The following DVL3 variants were observed in gnomAD, a reference collection of about 807,000 sequenced individuals.
DVL3 encodes segment polarity protein dishevelled homolog DVL-3.
A neutral mutation model predicts 67.4 loss-of-function variants in DVL3; 27 were observed. That is an observed-to-expected ratio of 0.40 (90% CI 0.30 to 0.55). The LOEUF (loss-of-function observed/expected upper bound fraction) is 0.55, where lower values mean the gene tolerates loss of function less well. DVL3 is among the 20% of genes least tolerant of loss of function. DVL3 has a pLI of 0.46. For missense variants in DVL3, 819 were observed against 1,021.5 expected, an observed-to-expected ratio of 0.80 and a Z score of 2.70; for synonymous variants, 369 against 396.8, an observed-to-expected ratio of 0.93 and a Z score of 0.83.
rs1400237457 is a variant in DVL3, at chr3:184,164,815, T to G, written c.483T>G (p.Thr161=). ...GPEHATRLNG[T]AKGERRREPG... is the part of the protein sequence containing the mutation. ...CTGCAGCAACCCGGCTAAATGGAACTGCGAAGGGGGAACGGCGGCGAGAAC... is the reference window on the plus strand; with the variant it reads ...CTGCAGCAACCCGGCTAAATGGAACGGCGAAGGGGGAACGGCGGCGAGAAC... Residue 161 remains threonine (T), a synonymous_variant, in exon 5 of 15, where the codon ACT becomes ACG. Transcript: ENST00000313143. This position sits in a 1 kb window ranked among gnomAD's most constrained non-coding sequence, Gnocchi z 5.3. The G allele has an allele frequency of 6.2e-7, 1 of 1,614,008 alleles. No individual in the cohort carries two copies. The highest frequency in any genetic ancestry group is 1.3e-5 in the African/African-American group (1 of 74,908).
chr3:184,164,925 C>A lies in DVL3; in HGVS notation c.593C>A (p.Thr198Asn). ...SFFDSDEDDS[T>N]SRFSSSTEQS... ...TTTGACTCAGATGAGGATGACTCCA[C>A]CAGCAGGTGGGGCTTGAGTTTCATG... Residue 198 changes from threonine to asparagine, a missense_variant, in exon 5 of 15, where the codon ACC becomes AAC. By Grantham distance (65) the Thr-to-Asn change is moderately conservative (BLOSUM62 0). This residue lies in a region of DVL3 where 385 missense variants were observed against 486.8 expected (regional missense o/e 0.79). Coordinates refer to ENST00000313143, the MANE Select transcript of DVL3 (RefSeq NM_004423.4). This position sits in a 1 kb window ranked among gnomAD's most constrained non-coding sequence, Gnocchi z 5.3. The A allele has an allele frequency of 6.2e-7, 1 of 1,614,184 alleles. No individual in the cohort carries two copies. The highest frequency in any genetic ancestry group is 8.5e-7 in the Non-Finnish European group (1 of 1,180,022).
At position 184,166,237 on chromosome 3, in the gene DVL3, G is replaced by A. The variant is rs747297916; in HGVS notation, c.875G>A (p.Arg292His). 5.6e-6 allele frequency: 9 copies of A among 1,612,804 alleles called. No homozygotes were observed. The highest frequency in any genetic ancestry group is 1.3e-5 in the African/African-American group (1 of 74,786). ...GGTGGGGCCGTGGCTGCTGATGGAC[G>A]CATCGAGCCAGGAGATATGTTGTTA... ...MKGGAVAADG[R>H]IEPGDMLLQV... The change falls in exon 8 of 15, where the codon CGC becomes CAC. Residue 292 changes from arginine (R) to histidine (H), a missense_variant. By Grantham distance (29) the Arg-to-His change is conservative. This residue lies in a region of DVL3 where 385 missense variants were observed against 486.8 expected (regional missense o/e 0.79). Transcript: ENST00000313143. The surrounding 1 kb of genome is among the most constrained non-coding windows in gnomAD (Gnocchi z 6.7).
At chr3:184,156,135 C>T (rs1714177120) in intron 1 of DVL3, among the ~76,000 whole-genome samples, 1 of 152,144 alleles carries the variant, frequency 6.6e-6, no homozygotes, top group Non-Finnish European at 1.5e-5. Flanking sequence ...CCGAGTCCCC[C>T]ATCCTCCTCC....
chr3:184,161,657 G>A (rs988449977), intron 1 of DVL3, among the ~76,000 whole-genome samples: 2 of 151,878 alleles, frequency 1.3e-5, no homozygotes, highest in African/African-American at 2.4e-5. Flanking sequence ...ACATTCCCCC[G>A]GCCAAACTAC....
chr3:184,171,031 C>T lies in DVL3; in HGVS notation c.*276C>T, dbSNP rs1183570915. ...GACCCCTTTTGTCTCTGGGACCAGA[C>T]TTGTTGGTGCTACCCCTTACTCCCC... On this transcript the variant is annotated 3_prime_UTR_variant, in exon 15 of 15. Coordinates refer to ENST00000313143, the MANE Select transcript of DVL3 (RefSeq NM_004423.4). The T allele has an allele frequency of 2.2e-6, 3 of 1,387,986 alleles. No homozygotes were observed. Among genetic ancestry groups the T allele is most frequent in the African/African-American group, 2.9e-5 (2 of 68,808 alleles). The allele number at this position is 1,387,986 out of a possible 1,614,324, so 86.0% of individuals were successfully genotyped here.
chr3:184,169,431 G>A (rs3792308), intron 13 of DVL3, among the ~76,000 whole-genome samples: 54,215 of 151,926 alleles, frequency 0.36, 11,251 homozygotes, highest in African/African-American at 0.57. Flanking sequence ...GCAGTGGCTC[G>A]CGCCTGTAAT....
Position 184,164,440 on chromosome 3 carries a change from G to C in DVL3, c.353+52G>C. 6.2e-7 allele frequency: 1 copy of C among 1,601,776 alleles called. No individual in the cohort carries two copies. The highest frequency in any genetic ancestry group is 8.5e-7 in the Non-Finnish European group (1 of 1,174,030). On this transcript the variant is annotated intron_variant, in intron 3 of 14. Transcript: ENST00000313143. This position sits in a 1 kb window ranked among gnomAD's most constrained non-coding sequence, Gnocchi z 5.3. ...GCCGCATCAGTTCAGCCCAGGGCTG[G>C]GGGAGGGAGCCCCCAGCCTGCCCCC...
rs1714450280 is a variant in DVL3 at position 184,163,354 on chromosome 3, G to GT, written c.162-302dup. 6.6e-6 allele frequency among the ~76,000 whole-genome samples: 1 copy of GT among 152,190 alleles called. No individual in the cohort carries two copies. The highest frequency in any genetic ancestry group is 1.5e-5 in the Non-Finnish European group (1 of 68,032). ...CCCAGGAGAGTCATGTTGGGGATGG[G>GT]TAGAGCACTTTAGAGATTTTAGGGA... is the stretch of plus-strand genomic sequence containing the variant. On this transcript the variant is annotated intron_variant, in intron 1 of 14. Transcript: ENST00000313143. The surrounding 1 kb of genome is among the most constrained non-coding windows in gnomAD (Gnocchi z 4.5).
At position 184,167,117 on chromosome 3, in the gene DVL3, A is replaced by G. The variant is rs1360748619; in HGVS notation, c.1198+142A>G. 3.8e-6 allele frequency: 4 copies of G among 1,052,992 alleles called. No homozygotes were observed. The highest frequency in any genetic ancestry group is 5.5e-6 in the Non-Finnish European group (4 of 724,028). The allele number at this position is 1,052,992 out of a possible 1,614,324, so 65.2% of individuals were successfully genotyped here. ...CTCATTCCAGCAACCCCACACTGCAACTCCCCCACAGCGGGCACTCCAACC... is the reference window on the plus strand; with the variant it reads ...CTCATTCCAGCAACCCCACACTGCAGCTCCCCCACAGCGGGCACTCCAACC... On this transcript the variant is annotated intron_variant, in intron 11 of 14. Coordinates refer to ENST00000313143, the MANE Select transcript of DVL3 (RefSeq NM_004423.4). The surrounding 1 kb of genome is among the most constrained non-coding windows in gnomAD (Gnocchi z 4.6).
Position 184,165,205 on chromosome 3 carries a change from G to C in DVL3, c.692G>C (p.Arg231Pro), listed in dbSNP as rs760208714. 1 of 1,587,734 alleles carries C rather than the reference G, an allele frequency of 6.3e-7. No individual in the cohort carries two copies. Among genetic ancestry groups the C allele is most frequent in the African/African-American group, 1.3e-5 (1 of 74,344 alleles). The change falls in exon 6 of 15, where the codon CGG (arginine) becomes CCG (proline). Residue 231 changes from arginine (R) to proline (P), a missense_variant and splice_region_variant. Physicochemically the swap from Arg to Pro is moderately radical, Grantham distance 103 (BLOSUM62 -2). Coordinates refer to ENST00000313143, the MANE Select transcript of DVL3 (RefSeq NM_004423.4). The surrounding 1 kb of genome is among the most constrained non-coding windows in gnomAD (Gnocchi z 4.1). ...RRKQKVSRIE[R>P]SSSFSSITDS... ...AAGCAGAAGGTTTCTCGGATTGAGC[G>C]GGTATGGGGTCTGGGAGGCTAGGGA... is the stretch of plus-strand genomic sequence containing the variant.
In DVL3 at chr3:184,166,412, A is replaced by C. The variant is rs372490782; in HGVS notation, c.904-34A>C. 5 of 1,613,654 alleles carry C rather than the reference A, an allele frequency of 3.1e-6. No individual in the cohort carries two copies. Among genetic ancestry groups the C allele is most frequent in the Middle Eastern group, 1.6e-4 (1 of 6,062 alleles). Reference sequence around the variant, plus strand: ...GAGTTCCCTTTTCATCCTCCCCAGCACAGCTGTTTATCCCACTCCTGGTCC... The same window carrying C: ...GAGTTCCCTTTTCATCCTCCCCAGCCCAGCTGTTTATCCCACTCCTGGTCC... On this transcript the variant is annotated intron_variant, in intron 8 of 14. Transcript: ENST00000313143. The surrounding 1 kb of genome is among the most constrained non-coding windows in gnomAD (Gnocchi z 6.7).
chr3:184,157,247 C>G (rs1374935145), intron 1 of DVL3, among the ~76,000 whole-genome samples: 1 of 152,058 alleles, frequency 6.6e-6, no homozygotes, highest in East Asian at 1.9e-4. Flanking sequence ...TAGAAGGGGT[C>G]TGGGTGAGGG....
intron 1 of DVL3, chr3:184,156,547 A>C: frequency 2.2e-6 from 1 of 447,148 alleles, no homozygotes; most frequent in South Asian, 1.6e-5. Context: ...AGCCAGGAAG[A>C]GTTTCTTGGT....
chr3:184,170,853 G>C lies in DVL3; in HGVS notation c.*98G>C. The stretch of plus-strand genomic sequence containing the variant: ...TTTTTACTTTGTCTGGTACCTGAAA[G>C]GGAAATAAAAGGAACTAAATCCAGG... On this transcript the variant is annotated 3_prime_UTR_variant, in exon 15 of 15. Coordinates refer to ENST00000313143, the MANE Select transcript of DVL3 (RefSeq NM_004423.4). The surrounding 1 kb of genome is among the most constrained non-coding windows in gnomAD (Gnocchi z 6.5). 1 of 1,560,552 alleles carries C rather than the reference G, an allele frequency of 6.4e-7. No homozygotes were observed. Among genetic ancestry groups the C allele is most frequent in the South Asian group, 1.2e-5 (1 of 85,108 alleles).
rs1408599387 is a variant in DVL3 at position 184,173,033 on chromosome 3, T to C, written c.*2278T>C. ...TTTACTCCCAAAATGGAGTCATTCA[T>C]CCTGATGTCCTCAATTGCTGCTGAT... On this transcript the variant is annotated 3_prime_UTR_variant, in exon 15 of 15. Transcript: ENST00000313143. 1 of 152,462 alleles carries C rather than the reference T, an allele frequency of 6.6e-6. No individual in the cohort carries two copies. The highest frequency in any genetic ancestry group is 2.4e-5 in the African/African-American group (1 of 41,468). 9.4% of individuals were successfully genotyped at this position (152,462 alleles called of 1,614,324 possible).
intron 13 of DVL3, 48 bp downstream of exon 13, chr3:184,168,113 G>A: frequency 6.3e-7 from 1 of 1,586,710 alleles, no homozygotes; most frequent in East Asian, 2.2e-5. Context: ...CTGGGAGTGG[G>A]GAGGTAGCCA....
Position 184,171,703 on chromosome 3 carries a change from C to CATTAT in DVL3, c.*950_*951insTATAT. On this transcript the variant is annotated 3_prime_UTR_variant, in exon 15 of 15. Transcript: ENST00000313143. ...TCCAGCCCCCACACCCACACGTTAA[C>CATTAT]ATAATGAGTCACTAGGCTTCTGGGG... 1.5e-5 allele frequency: 9 copies of CATTAT among 605,916 alleles called. No individual in the cohort carries two copies. The highest frequency in any genetic ancestry group is 1.9e-5 in the Non-Finnish European group (9 of 482,780). The allele number at this position is 605,916 out of a possible 1,614,324, so 37.5% of individuals were successfully genotyped here.
At chr3:184,169,873 G>GAGCT (rs1439639535) in intron 13 of DVL3, 133 bp from the exon 14 acceptor site, 31 of 787,254 alleles carry the variant, frequency 3.9e-5, no homozygotes, top group Admixed American at 6.3e-5. Context: ...CAGAAGGGGG[G>GAGCT]AGCTCTCTGG....
In DVL3 at chr3:184,170,374, C is replaced by G; in HGVS notation, c.1770C>G (p.Asp590Glu). The G allele has an allele frequency of 6.2e-7, 1 of 1,605,774 alleles. No homozygotes were observed. Among genetic ancestry groups the G allele is most frequent in the Non-Finnish European group, 8.5e-7 (1 of 1,176,486 alleles). ...GCAGCGATCGGAGGAAGGAGAAGGA[C>G]CCGAAGGCCGGGGACTCCAAGTCCG... ...RSGSDRRKEKDPKAGDSKSGG... is the reference protein window; with the variant it reads ...RSGSDRRKEKEPKAGDSKSGG... Residue 590 changes from aspartate (D) to glutamate (E), a missense_variant, in exon 15 of 15, where the codon GAC becomes GAG. Around this residue, in one of 3 missense-constraint regions of DVL3, gnomAD observed 324 missense variants for 331.3 expected, o/e 0.98. Transcript: ENST00000313143. The surrounding 1 kb of genome is among the most constrained non-coding windows in gnomAD (Gnocchi z 6.5).
Sources: allele counts gnomAD v4.1 joint callset (sites outside exome capture counted in the v4.1 genomes callset), GRCh38; gene constraint gnomAD v4.1.1; regional missense constraint gnomAD v4.1.1; non-coding constraint Gnocchi (gnomAD v3.1); transcripts MANE v1.5; gene names NCBI Gene and HGNC (gene_info 2026-07-23, HGNC 2026-07-21).